The following NRG1 variants were observed in gnomAD, a reference collection of about 807,000 sequenced individuals.
NRG1 encodes the protein neuregulin 1.
Under a neutral mutation model 63.8 loss-of-function variants are expected in NRG1, and 18 were observed. The observed-to-expected ratio is 0.28, with a 90% CI of 0.19 to 0.42. NRG1 has a LOEUF of 0.42. NRG1 is among the 10% of genes least tolerant of loss of function. The probability of loss-of-function intolerance (pLI) is 1.00; values close to 1 mark genes in which losing one functional copy is unlikely to be tolerated. For missense variants in NRG1, 762 were observed against 814.7 expected (o/e 0.94, Z 0.79); for synonymous variants, 302 against 301.3 (o/e 1.00, Z -0.02).
intron 1 of NRG1, among the ~76,000 whole-genome samples, chr8:31,920,690 G>T (rs770296228): frequency 6.6e-6 from 1 of 152,078 alleles, no homozygotes; most frequent in Non-Finnish European, 1.5e-5. Context: ...GAGGATGTTG[G>T]TTTGTCTGTT....
chr8:32,143,482 G>A (rs1395628349), intron 1 of NRG1, among the ~76,000 whole-genome samples: 1 of 152,132 alleles, frequency 6.6e-6, no homozygotes, highest in Non-Finnish European at 1.5e-5. Context: ...TTGGTTTACT[G>A]CCCTTCCCCA....
At chr8:32,217,213 C>CAAAAAA (rs538507645) in intron 1 of NRG1, among the ~76,000 whole-genome samples, 7 of 101,176 alleles carry the variant, frequency 6.9e-5, no homozygotes, top group Non-Finnish European at 1.4e-4. Context: ...GACCCTGTCT[C>CAAAAAA]AAAAAAAAAA....
intron 1 of NRG1, among the ~76,000 whole-genome samples, chr8:32,487,000 T>G (rs1297157639): frequency 6.6e-6 from 1 of 152,174 alleles, no homozygotes; most frequent in Non-Finnish European, 1.5e-5. Context: ...AGGTGTCTGA[T>G]ACATGTTACT....
intron 1 of NRG1, among the ~76,000 whole-genome samples, chr8:31,993,621 C>T (rs1228765666): frequency 1.3e-5 from 2 of 151,976 alleles, no homozygotes; most frequent in African/African-American, 4.8e-5. Flanking sequence ...AATGTGAGGC[C>T]TCCCCAGCCA....
chr8:31,818,016 T>C, intron 1 of NRG1, among the ~76,000 whole-genome samples: 1 of 152,244 alleles, frequency 6.6e-6, no homozygotes, highest in South Asian at 2.1e-4. Flanking sequence ...ACTGATTTTA[T>C]GGAGCAACTA....
chr8:32,230,358 T>C (rs1005543269), intron 1 of NRG1, among the ~76,000 whole-genome samples: 12 of 152,184 alleles, frequency 7.9e-5, no homozygotes, highest in Non-Finnish European at 1.2e-4. Flanking sequence ...GTAAGATGGC[T>C]GTTTGGATGA....
chr8:31,745,474 G>A (rs1172968794), intron 1 of NRG1, among the ~76,000 whole-genome samples: 5 of 151,984 alleles, frequency 3.3e-5, no homozygotes, highest in Non-Finnish European at 7.4e-5. Flanking sequence ...TTAGATTTAG[G>A]TGACAGTAGG....
chr8:32,085,128 T>C (rs1828029016), intron 1 of NRG1, among the ~76,000 whole-genome samples: 1 of 152,248 alleles, frequency 6.6e-6, no homozygotes, highest in Admixed American at 6.5e-5. Flanking sequence ...TATTGCTCTA[T>C]ATCCTTTGCT....
At chr8:32,676,347 G>A (rs1438580452) in intron 5 of NRG1, among the ~76,000 whole-genome samples, 1 of 152,196 alleles carries the variant, frequency 6.6e-6, no homozygotes, top group Non-Finnish European at 1.5e-5. Flanking sequence ...ACTTGGAAAG[G>A]TGGAGTTGTG....
intron 1 of NRG1, among the ~76,000 whole-genome samples, chr8:32,174,173 A>G (rs1840412574): frequency 6.6e-6 from 1 of 152,240 alleles, no homozygotes; most frequent in Non-Finnish European, 1.5e-5. Flanking sequence ...ACTAGTACTC[A>G]GGATTAAGAA....
At chr8:32,047,235 C>A (rs1821158234) in intron 1 of NRG1, among the ~76,000 whole-genome samples, 1 of 152,012 alleles carries the variant, frequency 6.6e-6, no homozygotes, top group Non-Finnish European at 1.5e-5. Context: ...TCACCCAAGG[C>A]ACATTTGGTT....
intron 1 of NRG1, among the ~76,000 whole-genome samples, chr8:31,866,981 T>C (rs966919565): frequency 1.3e-5 from 2 of 152,174 alleles, no homozygotes; most frequent in Non-Finnish European, 2.9e-5. Flanking sequence ...TTAAAATAGA[T>C]ATAACAATTT....
At chr8:32,383,458 A>G (rs1188106201) in intron 1 of NRG1, among the ~76,000 whole-genome samples, 1 of 152,212 alleles carries the variant, frequency 6.6e-6, no homozygotes, top group East Asian at 1.9e-4. Flanking sequence ...ATACCTAAGT[A>G]ACCTGATACA....
At chr8:32,696,785 C>G (rs963423372) in intron 5 of NRG1, among the ~76,000 whole-genome samples, 1 of 151,272 alleles carries the variant, frequency 6.6e-6, no homozygotes, top group Non-Finnish European at 1.5e-5. Flanking sequence ...CCTCAGCCTC[C>G]AAGTAGCTGG....
intron 5 of NRG1, among the ~76,000 whole-genome samples, chr8:32,637,869 A>G (rs948731486): frequency 3.2e-4 from 49 of 152,292 alleles, no homozygotes; most frequent in African/African-American, 8.9e-4. Flanking sequence ...AATATCTTTC[A>G]GAAAGAGGCC....
At chr8:32,176,407 A>G (rs1840734324) in intron 1 of NRG1, among the ~76,000 whole-genome samples, 1 of 152,240 alleles carries the variant, frequency 6.6e-6, no homozygotes, top group Non-Finnish European at 1.5e-5. Context: ...CATTCAGGAC[A>G]TAGGCATGGA....
intron 1 of NRG1, among the ~76,000 whole-genome samples, chr8:31,743,155 A>G (rs1449520360): frequency 6.6e-6 from 1 of 151,908 alleles, no homozygotes; most frequent in Non-Finnish European, 1.5e-5. Flanking sequence ...CGGTCTTGCA[A>G]TCTCTGAATT....
chr8:32,458,454 G>C (rs1821890186), intron 1 of NRG1, among the ~76,000 whole-genome samples: 1 of 152,138 alleles, frequency 6.6e-6, no homozygotes. Flanking sequence ...AAATTAACCA[G>C]AGACTTTATC....
At chr8:31,841,972 G>T (rs559254503) in intron 1 of NRG1, among the ~76,000 whole-genome samples, 1 of 152,162 alleles carries the variant, frequency 6.6e-6, no homozygotes, top group African/African-American at 2.4e-5. Flanking sequence ...AAGAGACAGA[G>T]GTAGACCACT....
Sources: allele counts gnomAD v4.1 joint callset (sites outside exome capture counted in the v4.1 genomes callset), GRCh38; gene constraint gnomAD v4.1.1; transcripts MANE v1.5; gene names NCBI Gene and HGNC (gene_info 2026-07-23, HGNC 2026-07-21).